Variants in DOCK5 observed in about 807,000 individuals in gnomAD.
The protein encoded by DOCK5 is dedicator of cytokinesis protein 5.
Under a neutral mutation model 251.8 loss-of-function variants are expected in DOCK5, and 142 were observed. The observed-to-expected ratio is 0.56, with a 90% confidence interval of 0.49 to 0.65. The LOEUF (loss-of-function observed/expected upper bound fraction) is 0.65. DOCK5 is among the 30% of genes least tolerant of loss of function. The pLI is 0.00. For missense variants in DOCK5, 2,111 were observed against 2,312.3 expected, an observed-to-expected ratio of 0.91 and a Z score of 1.79; for synonymous variants, 842 against 835.5, an observed-to-expected ratio of 1.01 and a Z score of -0.13.
intron 18 of DOCK5, 51 bp downstream of exon 18, chr8:25,325,598 T>C (rs1805545410): frequency 6.3e-7 from 1 of 1,593,520 alleles, no homozygotes; most frequent in Admixed American, 1.7e-5. Context: ...TCAGCCTTTC[T>C]GGGCTCCTTG....
intron 44 of DOCK5, among the ~76,000 whole-genome samples, chr8:25,393,889 T>C (rs1801301906): frequency 1.3e-5 from 2 of 152,364 alleles, no homozygotes; most frequent in South Asian, 4.1e-4. Flanking sequence ...AAAGTAGGTG[T>C]TCAAGAAATG....
chr8:25,346,082 C>G (rs1800361881), intron 26 of DOCK5, among the ~76,000 whole-genome samples: 1 of 152,158 alleles, frequency 6.6e-6, no homozygotes, highest in Non-Finnish European at 1.5e-5. Flanking sequence ...GATCTCCTGA[C>G]CTCGTGATCC....
In DOCK5 at chr8:25,212,740, TGGACTAGAGG is replaced by T. The variant is rs1802135183; in HGVS notation, c.43+27790_43+27799del. Among the ~76,000 whole-genome samples the T allele has an allele frequency of 2.9e-5, 2 of 69,664 alleles. 1 individual carries two copies. The highest frequency in any genetic ancestry group is 7.8e-4 in the South Asian group (2 of 2,556). The allele number at this position is 69,664 out of a possible 152,430, so 45.7% of individuals were successfully genotyped here. A position where few individuals can be genotyped will look rare whatever the true frequency, so the allele number is the denominator to read the frequency against. On this transcript the variant is annotated intron_variant, in intron 1 of 51. Transcript: ENST00000276440. ...GAGAGGGTCGAAAACCCCTTTATGC[TGGACTAGAGG>T]AAAACCTCAGCAAGGGAGGTCTGTG...
chr8:25,231,064 C>T (rs761466724), intron 1 of DOCK5, among the ~76,000 whole-genome samples: 1 of 151,974 alleles, frequency 6.6e-6, no homozygotes, highest in African/African-American at 2.4e-5. Flanking sequence ...TTCATTTCCT[C>T]CTTTTTTTTC....
intron 30 of DOCK5, among the ~76,000 whole-genome samples, chr8:25,365,095 A>G (rs73562339): frequency 0.011 from 1,641 of 152,348 alleles, 30 homozygotes; most frequent in African/African-American, 0.038. Context: ...GGTTCTAAAG[A>G]ACAGTTCTTA....
intron 49 of DOCK5, among the ~76,000 whole-genome samples, chr8:25,408,503 G>A (rs1051030808): frequency 2.0e-4 from 31 of 152,246 alleles, no homozygotes; most frequent in African/African-American, 7.2e-4. Flanking sequence ...ATATCAAGTT[G>A]TTAAATGTGG....
chr8:25,363,224 C>A, intron 29 of DOCK5, 83 bp downstream of exon 29: 1 of 1,167,548 alleles, frequency 8.6e-7, no homozygotes, highest in South Asian at 1.3e-5. Flanking sequence ...GTCTTTAAAT[C>A]CCTTTGCCTC....
intron 2 of DOCK5, among the ~76,000 whole-genome samples, chr8:25,247,441 T>A (rs1377573388): frequency 6.6e-6 from 1 of 151,162 alleles, no homozygotes; most frequent in Non-Finnish European, 1.5e-5. Flanking sequence ...TACAAAAAAT[T>A]TAAAACTTAG....
chr8:25,196,952 A>G (rs1399220284), intron 1 of DOCK5, among the ~76,000 whole-genome samples: 1 of 152,184 alleles, frequency 6.6e-6, no homozygotes, highest in Non-Finnish European at 1.5e-5. Flanking sequence ...TAATCCCAGC[A>G]CTTTAGGAGG....
intron 5 of DOCK5, 34 bp from the exon 6 acceptor site, chr8:25,291,990 A>G: frequency 6.6e-7 from 1 of 1,511,872 alleles, no homozygotes; most frequent in Non-Finnish European, 8.9e-7. Flanking sequence ...CCTTTTTCTA[A>G]GAATCTTTTC....
At chr8:25,385,124 G>T (rs1369463368) in intron 40 of DOCK5, among the ~76,000 whole-genome samples, 1 of 152,158 alleles carries the variant, frequency 6.6e-6, no homozygotes, top group Non-Finnish European at 1.5e-5. Context: ...GAGAGCTGGG[G>T]TGCCAGCGGG....
intron 1 of DOCK5, among the ~76,000 whole-genome samples, chr8:25,231,505 G>A (rs764564799): frequency 5.9e-5 from 9 of 152,098 alleles, no homozygotes; most frequent in Non-Finnish European, 1.0e-4. Flanking sequence ...AAATACAATG[G>A]ATTCTTATAC....
At chr8:25,312,717 T>A (rs1476236203) in intron 13 of DOCK5, among the ~76,000 whole-genome samples, 1 of 141,466 alleles carries the variant, frequency 7.1e-6, no homozygotes, top group Non-Finnish European at 1.5e-5. Context: ...GAGCTGAGAT[T>A]GCACCACCGC....
At chr8:25,365,086 G>T (rs886216827) in intron 30 of DOCK5, among the ~76,000 whole-genome samples, 1 of 152,336 alleles carries the variant, frequency 6.6e-6, no homozygotes, top group Admixed American at 6.5e-5. Context: ...AATGAGTTTG[G>T]TTCTAAAGAA....
At chr8:25,379,851 C>CAA (rs36110061) in intron 38 of DOCK5, among the ~76,000 whole-genome samples, 2 of 122,474 alleles carry the variant, frequency 1.6e-5, no homozygotes, top group Non-Finnish European at 3.6e-5. Context: ...ACTACACCTA[C>CAA]ACACACACAC....
At chr8:25,358,756 T>C (rs1377100476) in intron 27 of DOCK5, among the ~76,000 whole-genome samples, 1 of 152,218 alleles carries the variant, frequency 6.6e-6, no homozygotes, top group African/African-American at 2.4e-5. Flanking sequence ...ATGAGATTTC[T>C]TCACTCAGAC....
Position 25,368,598 on chromosome 8 carries a change from C to T in DOCK5, c.3311C>T (p.Ser1104Phe), listed in dbSNP as rs372075648. The T allele has an allele frequency of 3.0e-5, 48 of 1,611,326 alleles. No homozygotes were observed. The highest frequency in any genetic ancestry group is 3.4e-5 in the Admixed American group (2 of 59,430). ...CCCCACAAAATCAAATTCATCCCAT[C>T]CATGGTGGGTCCCATTCTGGAGGTC... is the stretch of plus-strand genomic sequence containing the variant. ...LGPHKIKFIP[S>F]MVGPILEVTL... is the part of the protein sequence containing the mutation. Residue 1104 changes from serine to phenylalanine, a missense_variant, in exon 33 of 52, where the codon TCC (serine) becomes TTC (phenylalanine). Ser to Phe is a radical substitution (Grantham distance 155, BLOSUM62 -2). Transcript: ENST00000276440.
At chr8:25,242,483 CTTTTCTT>C (rs1802980761) in intron 1 of DOCK5, among the ~76,000 whole-genome samples, 2 of 152,156 alleles carry the variant, frequency 1.3e-5, no homozygotes, top group African/African-American at 4.8e-5. Context: ...ATTTGTCTGC[CTTTTCTT>C]TTTTCTTTAT....
chr8:25,227,951 C>T (rs1802572058), intron 1 of DOCK5, among the ~76,000 whole-genome samples: 1 of 152,144 alleles, frequency 6.6e-6, no homozygotes, highest in African/African-American at 2.4e-5. Flanking sequence ...GTGGCAGGAT[C>T]ATGGCCTACT....
Sources: allele counts gnomAD v4.1 joint callset (sites outside exome capture counted in the v4.1 genomes callset), GRCh38; gene constraint gnomAD v4.1.1; transcripts MANE v1.5; gene names NCBI Gene and HGNC (gene_info 2026-07-23, HGNC 2026-07-21).